The following POF1B variants were observed in gnomAD, a reference collection of about 807,000 sequenced individuals.
POF1B encodes protein POF1B.
POF1B carries 53 observed loss-of-function variants against 55.3 expected under a neutral mutation model. The observed-to-expected ratio is 0.96, with a 90% CI of 0.77 to 1.20. The LOEUF is 1.20. Ranked by LOEUF, POF1B falls within the 50% of genes most tolerant of loss-of-function variation. The pLI is 0.00. For synonymous variants in POF1B, 188 were observed against 148.3 expected (o/e 1.27, Z -1.95); for missense variants, 478 against 420.5 (o/e 1.14, Z -1.20).
At chrX:85,313,107 C>T (rs1369408362) in intron 9 of POF1B, among the ~76,000 whole-genome samples, 3 of 111,863 alleles carry the variant, frequency 2.7e-5, no homozygotes, top group Non-Finnish European at 5.6e-5. Flanking sequence ...AATATACAAT[C>T]ATGTCGTCTG....
intron 15 of POF1B, among the ~76,000 whole-genome samples, chrX:85,298,419 A>G (rs6653055): frequency 0.22 from 23,789 of 110,503 alleles, 2,454 homozygotes; most frequent in African/African-American, 0.4. Flanking sequence ...TACATGGTGA[A>G]AGTGGGTTGC....
intron 15 of POF1B, among the ~76,000 whole-genome samples, chrX:85,284,295 G>GA (rs2087056461): frequency 9.0e-6 from 1 of 111,041 alleles, no homozygotes; most frequent in South Asian, 3.7e-4. Flanking sequence ...CACAGAATTG[G>GA]AAAAAATTAC....
intron 7 of POF1B, among the ~76,000 whole-genome samples, chrX:85,330,334 CA>C (rs938469882): frequency 3.6e-5 from 4 of 110,735 alleles, no homozygotes; most frequent in Non-Finnish European, 7.6e-5. Flanking sequence ...TAATAATATA[CA>C]AAGTTTATAT....
At chrX:85,355,633 C>A (rs1329567031) in intron 4 of POF1B, among the ~76,000 whole-genome samples, 1 of 111,531 alleles carries the variant, frequency 9.0e-6, no homozygotes, top group Non-Finnish European at 1.9e-5. Context: ...ACAACCCCAT[C>A]GAAAAGTGGG....
chrX:85,359,647 A>G lies in POF1B; in HGVS notation c.358-17T>C, dbSNP rs1458125792. ...ATGAAGTTCCTGTGAAGAAAAGACA[A>G]AAGCTGGATATAATCATAGTTATTT... On this transcript the variant is annotated splice_polypyrimidine_tract_variant and intron_variant, in intron 3 of 16. Coordinates refer to ENST00000262753, the MANE Select transcript of POF1B (RefSeq NM_024921.4). 9.1e-7 allele frequency: 1 copy of G among 1,095,444 alleles called. No homozygotes were observed. The highest frequency in any genetic ancestry group is 2.3e-5 in the Admixed American group (1 of 43,089). The allele number at this position is 1,095,444 out of a possible 1,213,427, so 90.3% of individuals were successfully genotyped here.
intron 6 of POF1B, among the ~76,000 whole-genome samples, chrX:85,336,437 G>C (rs1257482424): frequency 2.7e-5 from 3 of 110,665 alleles, no homozygotes; most frequent in Non-Finnish European, 5.7e-5. Flanking sequence ...GTGTACTATG[G>C]TTCCCTTTTC....
chrX:85,342,520 A>G (rs1479981600), intron 6 of POF1B, among the ~76,000 whole-genome samples: 1 of 111,503 alleles, frequency 9.0e-6, no homozygotes, highest in African/African-American at 3.3e-5. Flanking sequence ...CTTGTAGGAT[A>G]TATTGTACAT....
In POF1B at chrX:85,307,156, A is replaced by C. The variant is rs1932591611; in HGVS notation, c.1164+7T>G. 2 of 1,173,231 alleles carry C rather than the reference A, an allele frequency of 1.7e-6. No homozygotes were observed. The highest frequency in any genetic ancestry group is 2.3e-6 in the Non-Finnish European group (2 of 865,357). On this transcript the variant is annotated splice_region_variant and intron_variant, in intron 11 of 16. Transcript: ENST00000262753. ...GTAGATTAACACCAATAAAAGCATC[A>C]GTTTACCTGCTGCTGGTGATTATTT... is the stretch of plus-strand genomic sequence containing the variant.
intron 5 of POF1B, among the ~76,000 whole-genome samples, chrX:85,348,057 G>T (rs758366476): frequency 9.0e-6 from 1 of 110,606 alleles, no homozygotes; most frequent in African/African-American, 3.3e-5. Context: ...ATCACTAGAG[G>T]GCAATAAAGA....
rs988163043 is a variant in POF1B at position 85,278,013 on chromosome X, A to C, written c.*1408T>G. The C allele has an allele frequency of 4.5e-5, 5 of 111,216 alleles. No homozygotes were observed. Among genetic ancestry groups the C allele is most frequent in the Non-Finnish European group, 9.5e-5 (5 of 52,630 alleles). The allele number at this position is 111,216 out of a possible 1,213,427, so 9.2% of individuals were successfully genotyped here. A position where few individuals can be genotyped will look rare whatever the true frequency, so the allele number is the denominator to read the frequency against. ...AATAATATTAACATTTTTCTATCACAAAATATTGATAAAATTGGAATTGTA... is the reference window on the plus strand; with the variant it reads ...AATAATATTAACATTTTTCTATCACCAAATATTGATAAAATTGGAATTGTA... On this transcript the variant is annotated 3_prime_UTR_variant, in exon 17 of 17. Coordinates refer to ENST00000262753, the MANE Select transcript of POF1B (RefSeq NM_024921.4).
intron 7 of POF1B, among the ~76,000 whole-genome samples, chrX:85,323,558 C>A (rs1394654709): frequency 2.8e-5 from 3 of 108,170 alleles, no homozygotes; most frequent in African/African-American, 1.0e-4. Flanking sequence ...AACTAACCTG[C>A]ACATTGTGCA....
At chrX:85,378,794 A>C (rs989876488) in intron 2 of POF1B, among the ~76,000 whole-genome samples, 6 of 112,175 alleles carry the variant, frequency 5.3e-5, no homozygotes, top group Non-Finnish European at 1.1e-4. Flanking sequence ...ACCAAAAAAA[A>C]CCTGTTTGCT....
intron 7 of POF1B, among the ~76,000 whole-genome samples, chrX:85,329,650 A>G (rs1184324561): frequency 9.3e-6 from 1 of 107,931 alleles, no homozygotes; most frequent in African/African-American, 3.4e-5. Flanking sequence ...TTTTTAAAAA[A>G]AGAGAATAAG....
intron 7 of POF1B, among the ~76,000 whole-genome samples, chrX:85,322,525 T>C (rs1384898940): frequency 8.9e-6 from 1 of 111,894 alleles, no homozygotes; most frequent in Non-Finnish European, 1.9e-5. Flanking sequence ...ATTCAGGACC[T>C]AGGCATGGGC....
intron 9 of POF1B, among the ~76,000 whole-genome samples, chrX:85,310,715 A>T (rs1932677288): frequency 9.0e-6 from 1 of 111,547 alleles, no homozygotes; most frequent in Non-Finnish European, 1.9e-5. Flanking sequence ...AAATTAGTAA[A>T]ACCTGGTAAC....
intron 7 of POF1B, among the ~76,000 whole-genome samples, chrX:85,326,491 C>T (rs766348732): frequency 9.1e-6 from 1 of 109,626 alleles, no homozygotes; most frequent in African/African-American, 3.3e-5. Context: ...AAGTGCGGGG[C>T]GCTGGTGGGT....
chrX:85,284,891 T>G (rs747436637), intron 15 of POF1B, among the ~76,000 whole-genome samples: 14 of 111,111 alleles, frequency 1.3e-4, no homozygotes, highest in Non-Finnish European at 2.5e-4. Flanking sequence ...GGGAGAAAAT[T>G]TTTACAATCT....
intron 6 of POF1B, among the ~76,000 whole-genome samples, chrX:85,338,266 A>G (rs1167219917): frequency 8.9e-6 from 1 of 111,825 alleles, no homozygotes; most frequent in Non-Finnish European, 1.9e-5. Context: ...GAGAAAGTTG[A>G]TTATAACAAA....
intron 4 of POF1B, among the ~76,000 whole-genome samples, chrX:85,353,825 G>T (rs1027673109): frequency 9.0e-6 from 1 of 111,317 alleles, no homozygotes; most frequent in Admixed American, 9.6e-5. Flanking sequence ...TACAGAACTA[G>T]ACATGTCTCA....
Sources: gnomAD v4.1 joint callset for allele counts (sites outside exome capture counted in the v4.1 genomes callset) on GRCh38, gnomAD v4.1.1 for gene constraint, MANE v1.5 for transcripts, NCBI Gene and HGNC (gene_info 2026-07-23, HGNC 2026-07-21) for gene names.